The following UEVLD variants were observed in gnomAD, a reference collection of about 807,000 sequenced individuals.
UEVLD encodes ubiquitin-conjugating enzyme E2 variant 3.
In UEVLD, 47 loss-of-function variants were observed where a neutral mutation model predicts 58.6. The observed-to-expected ratio is 0.80, with a 90% CI of 0.63 to 1.02. The LOEUF (loss-of-function observed/expected upper bound fraction) is 1.02. UEVLD is among the 50% of genes least tolerant of loss of function. The pLI, the probability that UEVLD is intolerant of heterozygous loss-of-function variation, is 0.00. For missense variants in UEVLD, 510 were observed against 550.6 expected (o/e 0.93, Z 0.74); for synonymous variants, 197 against 195.3 (o/e 1.01, Z -0.07).
chr11:18,544,565 A>G, intron 9 of UEVLD, 58 bp downstream of exon 9: 1 of 1,550,696 alleles, frequency 6.4e-7, no homozygotes, highest in South Asian at 1.2e-5. Flanking sequence ...TTGGCCTCCC[A>G]AAGTGTTGGA....
chr11:18,558,423 C>T (rs1851859255), intron 6 of UEVLD, 93 bp from the exon 7 acceptor site: 5 of 693,112 alleles, frequency 7.2e-6, no homozygotes, highest in Non-Finnish European at 1.2e-5. Context: ...AATAAACAGG[C>T]CTCATACACT....
intron 10 of UEVLD, among the ~76,000 whole-genome samples, chr11:18,534,713 TAAAAC>T (rs978908854): frequency 3.3e-4 from 51 of 152,294 alleles, no homozygotes; most frequent in African/African-American, 1.2e-3. Context: ...CAATATGAAT[TAAAAC>T]AATAAATACC....
chr11:18,565,040 T>G (rs772270557), intron 5 of UEVLD, 30 bp from the exon 6 acceptor site: 1 of 1,511,202 alleles, frequency 6.6e-7, no homozygotes, highest in African/African-American at 1.4e-5. Context: ...ATCCTGAGAA[T>G]TCAAAAATAT....
intron 7 of UEVLD, among the ~76,000 whole-genome samples, chr11:18,556,081 C>T (rs1851745068): frequency 6.6e-6 from 1 of 152,214 alleles, no homozygotes; most frequent in Non-Finnish European, 1.5e-5. Context: ...CCATGCACTA[C>T]ACATCTATTC....
chr11:18,583,678 T>TTA (rs1853382687), intron 1 of UEVLD, among the ~76,000 whole-genome samples: 1 of 148,344 alleles, frequency 6.7e-6, no homozygotes. Context: ...TTTTTTTTTT[T>TTA]GAGACAGAGT....
rs557652421 is a variant in UEVLD, at chr11:18,569,946, T to C, written c.357+268A>G. The C allele has an allele frequency of 1.5e-4, 37 of 244,452 alleles. 1 individual carries two copies. In the East Asian group the frequency reaches 3.3e-3, roughly 22 times the overall value. 15.1% of individuals were successfully genotyped at this position (244,452 alleles called of 1,614,324 possible). ...CACTTGCTAGTAGCTCCTCCTGTAC[T>C]TTCTCAAGTGGGAAACGACTATAAA... On this transcript the variant is annotated intron_variant, in intron 4 of 11. Coordinates refer to ENST00000396197, the MANE Select transcript of UEVLD (RefSeq NM_001040697.4).
In UEVLD at chr11:18,530,392, G is replaced by A. The variant is rs1359486216; in HGVS notation, c.*1928C>T. 6.6e-6 allele frequency: 1 copy of A among 152,142 alleles called. No homozygotes were observed. The highest frequency in any genetic ancestry group is 2.4e-5 in the African/African-American group (1 of 41,426). The allele number at this position is 152,142 out of a possible 1,614,324, so 9.4% of individuals were successfully genotyped here. On this transcript the variant is annotated 3_prime_UTR_variant, in exon 12 of 12. Coordinates refer to ENST00000396197, the MANE Select transcript of UEVLD (RefSeq NM_001040697.4). ...TTCTGCTTTCCTAACATGGGTTACT[G>A]AATATAATTTCACCTTTTCTTTATG...
intron 3 of UEVLD, among the ~76,000 whole-genome samples, chr11:18,573,880 T>C (rs1195135176): frequency 2.0e-5 from 3 of 152,196 alleles, no homozygotes; most frequent in Non-Finnish European, 2.9e-5. Flanking sequence ...GGCAATGTAT[T>C]CTCATTGTAC....
At chr11:18,552,830 C>G (rs901192181) in intron 7 of UEVLD, among the ~76,000 whole-genome samples, 2 of 151,552 alleles carry the variant, frequency 1.3e-5, no homozygotes, top group African/African-American at 4.9e-5. Flanking sequence ...CACCGCACTC[C>G]AGCCTGAATG....
intron 7 of UEVLD, among the ~76,000 whole-genome samples, chr11:18,553,514 T>G (rs1851623631): frequency 6.6e-6 from 1 of 152,126 alleles, no homozygotes; most frequent in Non-Finnish European, 1.5e-5. Flanking sequence ...ATTTCACTTT[T>G]GGATATACAT....
At chr11:18,582,407 T>C (rs76742771) in intron 1 of UEVLD, among the ~76,000 whole-genome samples, 96 of 134,872 alleles carry the variant, frequency 7.1e-4, no homozygotes, top group African/African-American at 2.4e-3. Context: ...AATATTAGCT[T>C]TTTTTTTTTT....
intron 6 of UEVLD, among the ~76,000 whole-genome samples, chr11:18,564,592 T>A (rs1370458687): frequency 1.3e-5 from 2 of 152,092 alleles, no homozygotes; most frequent in Admixed American, 1.3e-4. Flanking sequence ...TGAGTTTAAT[T>A]AAAGTGGCAT....
intron 1 of UEVLD, among the ~76,000 whole-genome samples, chr11:18,587,382 A>C (rs1386850345): frequency 6.6e-6 from 1 of 152,220 alleles, no homozygotes; most frequent in African/African-American, 2.4e-5. Context: ...ACTTACATAA[A>C]CAATTTCAAT....
intron 9 of UEVLD, among the ~76,000 whole-genome samples, chr11:18,540,547 CAG>C (rs1851009959): frequency 6.6e-6 from 1 of 152,156 alleles, no homozygotes; most frequent in African/African-American, 2.4e-5. Flanking sequence ...AGAAGGCAGA[CAG>C]GGAGATAGAC....
At chr11:18,583,313 C>T (rs970559117) in intron 1 of UEVLD, among the ~76,000 whole-genome samples, 20 of 151,260 alleles carry the variant, frequency 1.3e-4, no homozygotes, top group Admixed American at 1.1e-3. Flanking sequence ...CTCCGCCTCC[C>T]GGGTTCAAGC....
At chr11:18,562,263 T>G (rs191277776) in intron 6 of UEVLD, among the ~76,000 whole-genome samples, 56 of 151,978 alleles carry the variant, frequency 3.7e-4, no homozygotes, top group South Asian at 1.5e-3. Flanking sequence ...TTTTGTAGGG[T>G]GGAGGCAGTG....
chr11:18,555,612 A>G (rs1257589557), intron 7 of UEVLD, among the ~76,000 whole-genome samples: 1 of 152,192 alleles, frequency 6.6e-6, no homozygotes, highest in Non-Finnish European at 1.5e-5. Context: ...ATGAATAAAT[A>G]AAATTACTTC....
intron 4 of UEVLD, among the ~76,000 whole-genome samples, chr11:18,567,870 C>T (rs747860697): frequency 6.6e-6 from 1 of 152,116 alleles, no homozygotes; most frequent in Non-Finnish European, 1.5e-5. Flanking sequence ...TAAGTGGGGG[C>T]ACTGTGGCTC....
Position 18,531,646 on chromosome 11 carries a change from T to C in UEVLD, c.*674A>G, listed in dbSNP as rs571877648. On this transcript the variant is annotated 3_prime_UTR_variant, in exon 12 of 12. Transcript: ENST00000396197. ...ATTAGTTTATGAGATGTTGGAGATC[T>C]TGTAATACTCCAGGAAGAGGTTATG... The C allele has an allele frequency of 6.6e-6, 1 of 152,236 alleles. No individual in the cohort carries two copies. The highest frequency in any genetic ancestry group is 1.5e-5 in the Non-Finnish European group (1 of 68,040). The allele number at this position is 152,236 out of a possible 1,614,324, so 9.4% of individuals were successfully genotyped here.
Sources: gnomAD v4.1 joint callset for allele counts (sites outside exome capture counted in the v4.1 genomes callset) on GRCh38, gnomAD v4.1.1 for gene constraint, MANE v1.5 for transcripts, NCBI Gene and HGNC (gene_info 2026-07-23, HGNC 2026-07-21) for gene names.